Variants in ZNF385D observed in about 807,000 individuals in gnomAD.
The protein encoded by ZNF385D is zinc finger protein 385D, also known as zinc finger protein 659.
A neutral mutation model predicts 35.8 loss-of-function variants in ZNF385D; 15 were observed. That is an observed-to-expected ratio of 0.42 (90% CI 0.28 to 0.64). The LOEUF (loss-of-function observed/expected upper bound fraction) is 0.64. ZNF385D is among the 30% of genes least tolerant of loss of function. The probability of loss-of-function intolerance (pLI) is 0.23; values close to 1 mark genes in which losing one functional copy is unlikely to be tolerated. For synonymous variants in ZNF385D, 212 were observed against 186.8 expected, an observed-to-expected ratio of 1.13 and a Z score of -1.10; for missense variants, 474 against 494.6, an observed-to-expected ratio of 0.96 and a Z score of 0.39.
chr3:22,065,745 A>G (rs1370640355), intron 3 of ZNF385D, among the ~76,000 whole-genome samples: 1 of 152,174 alleles, frequency 6.6e-6, no homozygotes, highest in South Asian at 2.1e-4. Flanking sequence ...GCATAAAAAA[A>G]CCAGCACATA....
At chr3:22,356,622 C>A (rs73142213) in intron 2 of ZNF385D, among the ~76,000 whole-genome samples, 1 of 151,696 alleles carries the variant, frequency 6.6e-6, no homozygotes, top group Non-Finnish European at 1.5e-5. Context: ...AAGTACTGTA[C>A]GAATATTAGA....
intron 4 of ZNF385D, among the ~76,000 whole-genome samples, chr3:21,504,448 C>G (rs1706620840): frequency 6.6e-6 from 1 of 152,136 alleles, no homozygotes; most frequent in Non-Finnish European, 1.5e-5. Flanking sequence ...AATCCAAGAA[C>G]AGAAACACAA....
chr3:21,665,792 GA>G lies in ZNF385D; in HGVS notation c.23-765del, dbSNP rs2066387804. 5.3e-5 allele frequency among the ~76,000 whole-genome samples: 8 copies of G among 152,248 alleles called. 1 individual carries two copies. Among genetic ancestry groups the G allele is most frequent in the African/African-American group, 1.9e-4 (8 of 41,560 alleles). On this transcript the variant is annotated intron_variant, in intron 1 of 7. Transcript: ENST00000281523. ...AGCACATACATTTGCCCCGTTATAGGACTCTGCCACACTCAGGAGCTGGAAG... is the reference window on the plus strand; with the variant it reads ...AGCACATACATTTGCCCCGTTATAGGCTCTGCCACACTCAGGAGCTGGAAG...
At chr3:21,870,755 C>A (rs143593021) in intron 3 of ZNF385D, among the ~76,000 whole-genome samples, 2 of 152,238 alleles carry the variant, frequency 1.3e-5, no homozygotes, top group African/African-American at 4.8e-5. Flanking sequence ...CCCATTTCTG[C>A]TCTGTGAACT....
intron 3 of ZNF385D, among the ~76,000 whole-genome samples, chr3:21,977,744 G>C (rs1703724930): frequency 6.6e-6 from 1 of 152,074 alleles, no homozygotes; most frequent in South Asian, 2.1e-4. Flanking sequence ...GCTGAAGCAA[G>C]AGGATCGCTT....
intron 3 of ZNF385D, among the ~76,000 whole-genome samples, chr3:21,524,990 A>G (rs1258790736): frequency 1.3e-5 from 2 of 152,194 alleles, no homozygotes; most frequent in African/African-American, 4.8e-5. Flanking sequence ...TATAGGGGAG[A>G]AAACCACACC....
At chr3:22,260,138 A>G (rs1052398385) in intron 2 of ZNF385D, among the ~76,000 whole-genome samples, 2 of 151,920 alleles carry the variant, frequency 1.3e-5, no homozygotes, top group South Asian at 2.1e-4. Context: ...TTCCTTAAGG[A>G]AAGAATTTTT....
chr3:22,091,303 A>G (rs1701319531), intron 3 of ZNF385D, among the ~76,000 whole-genome samples: 1 of 152,198 alleles, frequency 6.6e-6, no homozygotes, highest in African/African-American at 2.4e-5. Context: ...TGAGAAATTC[A>G]TTAGTGAAGA....
chr3:22,038,782 C>A (rs113750123), intron 3 of ZNF385D, among the ~76,000 whole-genome samples: 7,725 of 151,672 alleles, frequency 0.051, 275 homozygotes, highest in Middle Eastern at 0.13. Context: ...AAAATATATA[C>A]CCTAGCTCCT....
chr3:21,785,100 C>T (rs763299527), intron 3 of ZNF385D, among the ~76,000 whole-genome samples: 10 of 152,000 alleles, frequency 6.6e-5, no homozygotes, highest in Non-Finnish European at 1.2e-4. Context: ...CTGCACTGAC[C>T]GGGGAGGTTG....
chr3:22,047,779 A>G (rs1033893486), intron 3 of ZNF385D, among the ~76,000 whole-genome samples: 4 of 152,148 alleles, frequency 2.6e-5, no homozygotes, highest in African/African-American at 9.7e-5. Context: ...GGGATTGCCA[A>G]ATCATATGAT....
intron 2 of ZNF385D, among the ~76,000 whole-genome samples, chr3:21,647,405 CCT>C (rs2065783728): frequency 6.6e-6 from 1 of 150,840 alleles, no homozygotes; most frequent in African/African-American, 2.4e-5. Flanking sequence ...TTCTTCTCTC[CCT>C]CTTTTCCTTC....
intron 1 of ZNF385D, among the ~76,000 whole-genome samples, chr3:21,697,057 T>C (rs1281476235): frequency 2.0e-5 from 3 of 152,210 alleles, no homozygotes; most frequent in African/African-American, 7.2e-5. Context: ...GGTTAAGTAC[T>C]TGTTCTCTAA....
At chr3:21,577,093 A>G (rs2063517666) in intron 2 of ZNF385D, among the ~76,000 whole-genome samples, 1 of 152,198 alleles carries the variant, frequency 6.6e-6, no homozygotes. Context: ...CTAAAGAACA[A>G]TAGAACTTAT....
intron 3 of ZNF385D, among the ~76,000 whole-genome samples, chr3:21,887,223 G>T (rs1232290799): frequency 2.6e-5 from 4 of 152,144 alleles, no homozygotes; most frequent in Non-Finnish European, 4.4e-5. Context: ...TGTCATCAAA[G>T]ATATTTGGGC....
intron 3 of ZNF385D, among the ~76,000 whole-genome samples, chr3:22,015,235 C>T (rs74948542): frequency 1.2e-4 from 18 of 152,224 alleles, no homozygotes; most frequent in African/African-American, 4.3e-4. Flanking sequence ...TTTATAGCAG[C>T]ACTTTATCAA....
chr3:22,010,355 A>T (rs1361908815), intron 3 of ZNF385D, among the ~76,000 whole-genome samples: 1 of 152,234 alleles, frequency 6.6e-6, no homozygotes, highest in Non-Finnish European at 1.5e-5. Flanking sequence ...TTCTATACAC[A>T]TAATTCATTA....
intron 2 of ZNF385D, among the ~76,000 whole-genome samples, chr3:21,630,892 G>A (rs539041220): frequency 1.3e-5 from 2 of 152,134 alleles, no homozygotes; most frequent in East Asian, 3.9e-4. Context: ...AGAGGTAGGG[G>A]GAATTAGTGA....
At chr3:21,720,611 C>T (rs1457680868) in intron 1 of ZNF385D, among the ~76,000 whole-genome samples, 1 of 152,192 alleles carries the variant, frequency 6.6e-6, no homozygotes, top group East Asian at 1.9e-4. Flanking sequence ...AAGCCAAAAG[C>T]TCTGGGAGTG....
Sources: allele counts gnomAD v4.1 joint callset (sites outside exome capture counted in the v4.1 genomes callset), GRCh38; gene constraint gnomAD v4.1.1; transcripts MANE v1.5; gene names NCBI Gene and HGNC (gene_info 2026-07-23, HGNC 2026-07-21).